Variants in NEGR1 observed in about 807,000 individuals in gnomAD.
The protein encoded by NEGR1 is neuronal growth regulator 1.
NEGR1 carries 10 observed loss-of-function variants against 40.9 expected under a neutral mutation model. That is an observed-to-expected ratio of 0.24 (90% CI 0.15 to 0.42). The LOEUF is 0.42. NEGR1 is among the 10% of genes least tolerant of loss of function. The probability of loss-of-function intolerance (pLI) is 1.00; values close to 1 mark genes in which losing one functional copy is unlikely to be tolerated. For synonymous variants in NEGR1, 185 were observed against 166.8 expected (o/e 1.11, Z -0.84); for missense variants, 352 against 438.9 (o/e 0.80, Z 1.77).
At position 71,959,504 on chromosome 1, in the gene NEGR1, C is replaced by T. The variant is rs372966521; in HGVS notation, c.177-24193G>A. On this transcript the variant is annotated intron_variant, in intron 1 of 6. Coordinates refer to ENST00000357731, the MANE Select transcript of NEGR1 (RefSeq NM_173808.3). Reference sequence around the variant, plus strand: ...TGGGTTACGTTAGTTCTTTTAAAAACATGCATGATAAATTGTACTAAATAC... The same window carrying T: ...TGGGTTACGTTAGTTCTTTTAAAAATATGCATGATAAATTGTACTAAATAC... 2.0e-5 allele frequency among the ~76,000 whole-genome samples: 3 copies of T among 152,208 alleles called. No individual in the cohort carries two copies. The East Asian group carries it at 5.8e-4, about 29-fold the overall frequency.
At chr1:71,800,102 T>A (rs1657500522) in intron 2 of NEGR1, among the ~76,000 whole-genome samples, 1 of 152,244 alleles carries the variant, frequency 6.6e-6, no homozygotes, top group Admixed American at 6.5e-5. Flanking sequence ...CGACCAGTGA[T>A]GATGAGCTTT....
chr1:71,898,890 ATATTGCAAATATAT>A (rs1226019127), intron 2 of NEGR1, among the ~76,000 whole-genome samples: 1 of 136,092 alleles, frequency 7.3e-6, no homozygotes, highest in South Asian at 2.7e-4. Context: ...AAATATATAT[ATATTGCAAATATAT>A]ATATATTGCA....
At chr1:72,151,271 A>G (rs2100355584) in intron 1 of NEGR1, among the ~76,000 whole-genome samples, 1 of 151,234 alleles carries the variant, frequency 6.6e-6, no homozygotes, top group African/African-American at 2.4e-5. Flanking sequence ...ATTTAGTTTA[A>G]TAAATACTTA....
intron 2 of NEGR1, among the ~76,000 whole-genome samples, chr1:71,879,142 A>G (rs539245747): frequency 9.5e-4 from 144 of 152,094 alleles, no homozygotes; most frequent in Non-Finnish European, 1.4e-3. Context: ...TCGAAAAAAA[A>G]AAAAAATAGC....
chr1:71,505,291 T>A lies in NEGR1; in HGVS notation c.940+87526A>T, dbSNP rs941801405. Among the ~76,000 whole-genome samples the A allele has an allele frequency of 3.3e-5, 5 of 152,044 alleles. No individual in the cohort carries two copies. The East Asian group carries it at 5.8e-4, about 18-fold the overall frequency. ...CCCTACACCCTGTTTCTTTTTCTTTTTTTTTCTTTTTTTTGAGATGGAGTC... is the reference window on the plus strand; with the variant it reads ...CCCTACACCCTGTTTCTTTTTCTTTATTTTTCTTTTTTTTGAGATGGAGTC... On this transcript the variant is annotated intron_variant, in intron 6 of 6. Transcript: ENST00000357731.
chr1:72,163,928 T>C (rs1651682157), intron 1 of NEGR1, among the ~76,000 whole-genome samples: 1 of 152,020 alleles, frequency 6.6e-6, no homozygotes, highest in Admixed American at 6.6e-5. Flanking sequence ...AAAATTACAC[T>C]TGAAATTAAG....
chr1:72,049,958 G>T (rs1295100692), intron 1 of NEGR1, among the ~76,000 whole-genome samples: 1 of 151,542 alleles, frequency 6.6e-6, no homozygotes, highest in Admixed American at 6.6e-5. Flanking sequence ...ATCTGGTGCA[G>T]ATTTTGCTAT....
chr1:72,229,426 T>G (rs1654288406), intron 1 of NEGR1, among the ~76,000 whole-genome samples: 1 of 148,728 alleles, frequency 6.7e-6, no homozygotes, highest in Admixed American at 6.7e-5. Context: ...ATTCTATCAT[T>G]TAAATTTTTA....
chr1:72,086,356 A>G (rs1648221671), intron 1 of NEGR1, among the ~76,000 whole-genome samples: 1 of 152,098 alleles, frequency 6.6e-6, no homozygotes, highest in Non-Finnish European at 1.5e-5. Flanking sequence ...GATTTTTTAC[A>G]CTATCTATTG....
chr1:71,674,315 T>G (rs1014293062), intron 4 of NEGR1, among the ~76,000 whole-genome samples: 4 of 152,180 alleles, frequency 2.6e-5, no homozygotes, highest in African/African-American at 9.7e-5. Flanking sequence ...AGAAATACCT[T>G]GATAACTGCA....
chr1:71,795,960 T>C (rs996499923), intron 2 of NEGR1, among the ~76,000 whole-genome samples: 2 of 152,182 alleles, frequency 1.3e-5, no homozygotes, highest in East Asian at 3.8e-4. Flanking sequence ...AGGCCTCATT[T>C]GGTCCCAGAG....
chr1:71,476,807 CTT>C (rs1361267556), intron 6 of NEGR1: 2 of 152,094 alleles, frequency 1.3e-5, no homozygotes, highest in Non-Finnish European at 2.9e-5. Flanking sequence ...ATGTTTGCAA[CTT>C]TCCTGGACTC....
intron 3 of NEGR1, among the ~76,000 whole-genome samples, chr1:71,769,914 G>C (rs1656256352): frequency 6.6e-6 from 1 of 152,068 alleles, no homozygotes. Flanking sequence ...CTGTGAATTG[G>C]GTACAATTGT....
At chr1:72,277,457 G>C (rs1656095727) in intron 1 of NEGR1, among the ~76,000 whole-genome samples, 1 of 152,050 alleles carries the variant, frequency 6.6e-6, no homozygotes, top group Admixed American at 6.5e-5. Flanking sequence ...CAACTACATG[G>C]GCTTTTGAAT....
chr1:71,470,254 A>T lies in NEGR1; in HGVS notation c.941-62684T>A, dbSNP rs566475486. Among the ~76,000 whole-genome samples the T allele has an allele frequency of 9.2e-5, 14 of 151,880 alleles. No homozygotes were observed. The South Asian group carries it at 1.9e-3, about 20-fold the overall frequency. The stretch of plus-strand genomic sequence containing the variant: ...TTTTTTCCTACTATCGAAGTTATTT[A>T]TTTTTTGCATGTTTATTACAGATAC... On this transcript the variant is annotated intron_variant, in intron 6 of 6. Transcript: ENST00000357731.
intron 1 of NEGR1, among the ~76,000 whole-genome samples, chr1:72,224,016 T>C (rs1050076807): frequency 6.6e-6 from 1 of 152,140 alleles, no homozygotes; most frequent in Non-Finnish European, 1.5e-5. Flanking sequence ...ACAGTAAGAG[T>C]GGCCTTCAGT....
intron 6 of NEGR1, among the ~76,000 whole-genome samples, chr1:71,458,337 T>C (rs1333102979): frequency 6.6e-6 from 1 of 152,210 alleles, no homozygotes; most frequent in African/African-American, 2.4e-5. Flanking sequence ...AGATTAAACA[T>C]TGTCCTGTTT....
chr1:71,556,592 G>A (rs192719419), intron 6 of NEGR1, among the ~76,000 whole-genome samples: 173 of 151,140 alleles, frequency 1.1e-3, no homozygotes, highest in African/African-American at 3.7e-3. Context: ...TCATGCTGGC[G>A]ACAATGTTTT....
intron 1 of NEGR1, among the ~76,000 whole-genome samples, chr1:71,947,844 T>G (rs11209875): frequency 0.21 from 32,448 of 151,986 alleles, 4,070 homozygotes; most frequent in East Asian, 0.53. Context: ...GCACAGTCCT[T>G]GGAAAGTCAT....
Sources: allele counts gnomAD v4.1 joint callset (sites outside exome capture counted in the v4.1 genomes callset), GRCh38; gene constraint gnomAD v4.1.1; transcripts MANE v1.5; gene names NCBI Gene and HGNC (gene_info 2026-07-23, HGNC 2026-07-21).